MAGI2: variants seen among roughly 807,000 people sequenced by gnomAD.
MAGI2 encodes membrane associated guanylate kinase, WW and PDZ domain containing 2.
A neutral mutation model predicts 133.3 loss-of-function variants in MAGI2; 35 were observed. That is an observed-to-expected ratio of 0.26 (90% CI 0.20 to 0.35). MAGI2 has a LOEUF of 0.35. Among genes scored for constraint, MAGI2 ranks in the 10% least tolerant of loss-of-function variants. The probability of loss-of-function intolerance (pLI) is 1.00; values close to 1 mark genes in which losing one functional copy is unlikely to be tolerated. For synonymous variants in MAGI2, 729 were observed against 710.6 expected (o/e 1.03, Z -0.41); for missense variants, 1,636 against 1,863.4 (o/e 0.88, Z 2.25).
intron 1 of MAGI2, among the ~76,000 whole-genome samples, chr7:79,054,013 A>G (rs1301636410): frequency 6.6e-6 from 1 of 152,076 alleles, no homozygotes; most frequent in Non-Finnish European, 1.5e-5. Context: ...CCTGGCCAAC[A>G]TGGTGAAACC....
rs1184824177 is a variant in MAGI2, at chr7:79,304,203, CTGTGTG to C, written c.301+148811_301+148816del. On this transcript the variant is annotated intron_variant, in intron 1 of 21. Transcript: ENST00000354212. ...GGGATGTGTGTGTGTGTGTGTGTGT[CTGTGTG>C]TGTGTGTGTGTGTGTGTGTGTGTAG... Among the ~76,000 whole-genome samples, 99 of 135,474 alleles carry C rather than the reference CTGTGTG, an allele frequency of 7.3e-4. 1 individual carries two copies. The highest frequency in any genetic ancestry group is 2.7e-3 in the African/African-American group (96 of 35,752). The allele number at this position is 135,474 out of a possible 152,430, so 88.9% of individuals were successfully genotyped here. A position where few individuals can be genotyped will look rare whatever the true frequency, so the allele number is the denominator to read the frequency against.
At chr7:78,377,862 T>G (rs534648819) in intron 6 of MAGI2, among the ~76,000 whole-genome samples, 1 of 148,462 alleles carries the variant, frequency 6.7e-6, no homozygotes, top group African/African-American at 2.4e-5. Context: ...TATAGAAAGT[T>G]ACTATAAGAA....
intron 2 of MAGI2, among the ~76,000 whole-genome samples, chr7:78,656,129 G>A (rs991845169): frequency 2.1e-4 from 32 of 152,206 alleles, no homozygotes; most frequent in African/African-American, 7.7e-4. Context: ...TACTAGAGTG[G>A]TCAAAAACAA....
intron 2 of MAGI2, among the ~76,000 whole-genome samples, chr7:78,962,447 T>A (rs996612696): frequency 6.6e-6 from 1 of 151,916 alleles, no homozygotes; most frequent in African/African-American, 2.4e-5. Context: ...AGAGACCAAT[T>A]ATCATCTCTA....
chr7:78,370,707 C>G (rs867680056), intron 6 of MAGI2, among the ~76,000 whole-genome samples: 5 of 151,876 alleles, frequency 3.3e-5, no homozygotes, highest in African/African-American at 1.2e-4. Flanking sequence ...AATTCCTCAT[C>G]CAAAACTTTT....
chr7:79,414,017 T>G (rs569634417), intron 1 of MAGI2: 1 of 152,146 alleles, frequency 6.6e-6, no homozygotes, highest in Non-Finnish European at 1.5e-5. Flanking sequence ...TGCATTATGA[T>G]AGAACAAGTA....
At chr7:79,017,653 G>A (rs564950341) in intron 1 of MAGI2, among the ~76,000 whole-genome samples, 260 of 152,310 alleles carry the variant, frequency 1.7e-3, no homozygotes, top group African/African-American at 5.8e-3. Flanking sequence ...ACATATAGGA[G>A]AAAGTCAAAA....
intron 2 of MAGI2, among the ~76,000 whole-genome samples, chr7:78,993,990 T>C (rs191616091): frequency 1.4e-4 from 21 of 152,208 alleles, no homozygotes; most frequent in African/African-American, 4.8e-4. Flanking sequence ...TGGGGCATTT[T>C]TCCAGGAACC....
At chr7:78,846,825 T>C (rs1792657755) in intron 2 of MAGI2, among the ~76,000 whole-genome samples, 1 of 151,920 alleles carries the variant, frequency 6.6e-6, no homozygotes, top group African/African-American at 2.4e-5. Context: ...GTACTGAAAC[T>C]CTATGGGATG....
chr7:78,389,989 T>A (rs75680105), intron 6 of MAGI2, among the ~76,000 whole-genome samples: 8,168 of 152,298 alleles, frequency 0.054, 313 homozygotes, highest in South Asian at 0.096. Context: ...TATACTTTAT[T>A]GCCTTTTACA....
At chr7:78,881,363 A>T in intron 2 of MAGI2, among the ~76,000 whole-genome samples, 1 of 146,400 alleles carries the variant, frequency 6.8e-6, no homozygotes. Flanking sequence ...CGACTCATAG[A>T]TGAGAATTGA....
chr7:78,176,950 CATAT>C (rs1554487272), intron 14 of MAGI2, among the ~76,000 whole-genome samples: 2 of 147,248 alleles, frequency 1.4e-5, no homozygotes, highest in Admixed American at 6.8e-5. Flanking sequence ...CACACACACA[CATAT>C]ATAGTATATT....
At chr7:79,363,116 C>T (rs765579203) in intron 1 of MAGI2, among the ~76,000 whole-genome samples, 3 of 151,300 alleles carry the variant, frequency 2.0e-5, no homozygotes, top group East Asian at 2.0e-4. Flanking sequence ...GGTACAAGGT[C>T]GAAATGTAAA....
chr7:78,871,006 A>G (rs1040781639), intron 2 of MAGI2, among the ~76,000 whole-genome samples: 6 of 152,164 alleles, frequency 3.9e-5, no homozygotes, highest in African/African-American at 1.4e-4. Flanking sequence ...ATGAGTACCC[A>G]AATGCATAAG....
At chr7:79,443,433 A>C (rs1222712564) in intron 1 of MAGI2, among the ~76,000 whole-genome samples, 3 of 152,126 alleles carry the variant, frequency 2.0e-5, no homozygotes, top group African/African-American at 7.2e-5. Flanking sequence ...AAAACAAAAG[A>C]AAAACTTCAC....
chr7:78,185,395 A>C (rs1827587567), intron 13 of MAGI2: 2 of 367,718 alleles, frequency 5.4e-6, no homozygotes, highest in East Asian at 8.1e-5. Flanking sequence ...CTTTTACTAG[A>C]GTATTTTATG....
intron 9 of MAGI2, among the ~76,000 whole-genome samples, chr7:78,312,812 T>C (rs1459843395): frequency 6.6e-6 from 1 of 151,948 alleles, no homozygotes; most frequent in Admixed American, 6.6e-5. Flanking sequence ...AGGGAAATAT[T>C]ATATCAAAAA....
In MAGI2 at chr7:78,716,673, T is replaced by C. The variant is rs183400236; in HGVS notation, c.419-89434A>G. Among the ~76,000 whole-genome samples, 17 of 152,326 alleles carry C rather than the reference T, an allele frequency of 1.1e-4. No individual in the cohort carries two copies. In the East Asian group the frequency reaches 2.5e-3, roughly 22 times the overall value. On this transcript the variant is annotated intron_variant, in intron 2 of 21. Coordinates refer to ENST00000354212, the MANE Select transcript of MAGI2 (RefSeq NM_012301.4). ...GATTTTTATGGAAATGTGTTTATCA[T>C]GTGTGCTTAAGAAAGATCAATTTCC...
rs79563256 is a variant in MAGI2 at position 78,405,937 on chromosome 7, G to A, written c.1046-36724C>T. 8.6e-5 allele frequency among the ~76,000 whole-genome samples: 13 copies of A among 151,922 alleles called. No homozygotes were observed. In the East Asian group the frequency reaches 2.1e-3, roughly 25 times the overall value. ...TTTTGATAACAAATTACTATAAAATGCAGAGAAATGGGGAGCTGGTGAATA... is the reference window on the plus strand; with the variant it reads ...TTTTGATAACAAATTACTATAAAATACAGAGAAATGGGGAGCTGGTGAATA... On this transcript the variant is annotated intron_variant, in intron 6 of 21. Transcript: ENST00000354212.
Sources: gnomAD v4.1 joint callset for allele counts (sites outside exome capture counted in the v4.1 genomes callset) on GRCh38, gnomAD v4.1.1 for gene constraint, MANE v1.5 for transcripts, NCBI Gene and HGNC (gene_info 2026-07-23, HGNC 2026-07-21) for gene names.